The following RAB40C variants were observed in gnomAD, a reference collection of about 807,000 sequenced individuals.
The protein encoded by RAB40C is RAB40C, member RAS oncogene family.
RAB40C carries 8 observed loss-of-function variants against 28.1 expected under a neutral mutation model. That is an observed-to-expected ratio of 0.28 (90% confidence interval 0.17 to 0.51). The LOEUF (loss-of-function observed/expected upper bound fraction) is 0.51. Ranked by LOEUF, RAB40C falls within the 20% of genes least tolerant of loss-of-function variation. The pLI is 0.97. For missense variants in RAB40C, 288 were observed against 405.9 expected, an observed-to-expected ratio of 0.71 and a Z score of 2.50; for synonymous variants, 201 against 171.7, an observed-to-expected ratio of 1.17 and a Z score of -1.34.
chr16:609,651 A>G (rs1004232555), intron 1 of RAB40C, among the ~76,000 whole-genome samples: 3 of 152,244 alleles, frequency 2.0e-5, no homozygotes, highest in African/African-American at 4.8e-5. Context: ...ATGAAGAGCC[A>G]GACGCTGCCA....
At chr16:627,232 C>G (rs2151083236) in intron 5 of RAB40C, 110 bp from the exon 6 acceptor site, 1 of 1,116,914 alleles carries the variant, frequency 9.0e-7, no homozygotes, top group East Asian at 2.5e-5. Flanking sequence ...CCTGGGAACA[C>G]CTCTAGGAGT....
intron 1 of RAB40C, among the ~76,000 whole-genome samples, chr16:600,788 G>A (rs7190358): frequency 0.17 from 26,497 of 152,186 alleles, 2,519 homozygotes; most frequent in South Asian, 0.25. Flanking sequence ...GCCTACGTGC[G>A]TCACACAGAC....
At chr16:605,992 G>T (rs2036354101) in intron 1 of RAB40C, among the ~76,000 whole-genome samples, 1 of 152,220 alleles carries the variant, frequency 6.6e-6, no homozygotes, top group African/African-American at 2.4e-5. Context: ...TTTCTATTCT[G>T]TCAGTAACCA....
intron 1 of RAB40C, among the ~76,000 whole-genome samples, chr16:595,925 G>A (rs2036113756): frequency 6.6e-6 from 1 of 152,162 alleles, no homozygotes; most frequent in African/African-American, 2.4e-5. Flanking sequence ...TTTATAAGTT[G>A]GACTGGCATG....
intron 1 of RAB40C, among the ~76,000 whole-genome samples, chr16:602,533 A>G (rs1378882035): frequency 1.3e-5 from 2 of 152,114 alleles, no homozygotes; most frequent in Non-Finnish European, 2.9e-5. Flanking sequence ...CCTGGGTTCA[A>G]GCCTCTTGCC....
intron 1 of RAB40C, among the ~76,000 whole-genome samples, chr16:593,741 C>T (rs752685680): frequency 5.3e-5 from 8 of 152,344 alleles, no homozygotes; most frequent in Admixed American, 3.3e-4. Flanking sequence ...TGAGCTCTTC[C>T]GTGTCTCCTA....
chr16:616,279 T>C (rs1248086029), intron 1 of RAB40C, among the ~76,000 whole-genome samples: 1 of 151,464 alleles, frequency 6.6e-6, no homozygotes, highest in African/African-American at 2.4e-5. Context: ...AATACCAATG[T>C]GGCAGGCAGG....
intron 1 of RAB40C, among the ~76,000 whole-genome samples, chr16:600,440 T>TTA (rs10656981): frequency 0.16 from 24,442 of 152,250 alleles, 2,111 homozygotes; most frequent in South Asian, 0.25. Context: ...TAAAACATTG[T>TTA]TGTTGGACTT....
chr16:620,620 C>A, intron 3 of RAB40C, among the ~76,000 whole-genome samples: 1 of 135,028 alleles, frequency 7.4e-6, no homozygotes, highest in South Asian at 2.8e-4. Flanking sequence ...GCATCCCAGC[C>A]CCCCCCGACG....
rs148202374 is a variant in RAB40C at position 616,835 on chromosome 16, A to G, written c.143-373A>G. The G allele has an allele frequency of 3.0e-3, 722 of 240,478 alleles. 3 individuals carry two copies. Among genetic ancestry groups the G allele is most frequent in the African/African-American group, 0.015 (677 of 44,544 alleles). The allele number at this position is 240,478 out of a possible 1,614,324, so 14.9% of individuals were successfully genotyped here. A position where few individuals can be genotyped will look rare whatever the true frequency, so the allele number is the denominator to read the frequency against. On this transcript the variant is annotated intron_variant, in intron 1 of 5. Coordinates refer to ENST00000248139, the MANE Select transcript of RAB40C (RefSeq NM_021168.5). ...GGAGTCCACGCCCTGCCTTTGCCCA[A>G]TGCCCTCTGAGGGAGAGGCCCTGTG... is the stretch of plus-strand genomic sequence containing the variant.
chr16:597,937 CAAAA>C (rs57539332), intron 1 of RAB40C, among the ~76,000 whole-genome samples: 4 of 28,468 alleles, frequency 1.4e-4, no homozygotes, highest in East Asian at 1.1e-3. Flanking sequence ...CCCATCTCTA[CAAAA>C]AAAAAAAAAA....
At chr16:623,503 A>T (rs2036765204) in intron 3 of RAB40C, among the ~76,000 whole-genome samples, 1 of 151,960 alleles carries the variant, frequency 6.6e-6, no homozygotes, top group Non-Finnish European at 1.5e-5. Flanking sequence ...AATACAAAAA[A>T]ATTAGCCGGG....
Position 626,132 on chromosome 16 carries a change from G to A in RAB40C, c.565+11G>A, listed in dbSNP as rs371653841. ...GGAGGCCCAACCGAGGTGGGTGGGC[G>A]GGCGCCGGCCAGCCCTGAGGTCCCC... is the stretch of plus-strand genomic sequence containing the variant. On this transcript the variant is annotated intron_variant, in intron 5 of 5. Transcript: ENST00000248139. 106 of 1,607,334 alleles carry A rather than the reference G, an allele frequency of 6.6e-5. No homozygotes were observed. Among genetic ancestry groups the A allele is most frequent in the Non-Finnish European group, 8.6e-5 (101 of 1,175,472 alleles).
Position 590,278 on chromosome 16 carries a change from C to A in RAB40C, c.-14C>A. On this transcript the variant is annotated 5_prime_UTR_variant, in exon 1 of 6. Coordinates refer to ENST00000248139, the MANE Select transcript of RAB40C (RefSeq NM_021168.5). ...TTCGGCAGGCGGCCGGCGCGGGGCG[C>A]AGGCGGCGCGGCCATGGGCTCGCAG... 6.7e-7 allele frequency: 1 copy of A among 1,491,722 alleles called. No individual in the cohort carries two copies. The allele number at this position is 1,491,722 out of a possible 1,614,324, so 92.4% of individuals were successfully genotyped here.
chr16:614,523 C>T (rs550200718), intron 1 of RAB40C, among the ~76,000 whole-genome samples: 49 of 136,030 alleles, frequency 3.6e-4, no homozygotes, highest in African/African-American at 1.2e-3. Flanking sequence ...AACTTTACCT[C>T]GTCCCGATGG....
At chr16:614,477 C>G (rs893710345) in intron 1 of RAB40C, among the ~76,000 whole-genome samples, 8 of 144,550 alleles carry the variant, frequency 5.5e-5, no homozygotes, top group Admixed American at 7.0e-5. Flanking sequence ...CGATGGTGAA[C>G]TGCTAACTCT....
intron 1 of RAB40C, among the ~76,000 whole-genome samples, chr16:599,371 C>T (rs962908357): frequency 2.0e-5 from 3 of 152,244 alleles, no homozygotes; most frequent in Non-Finnish European, 4.4e-5. Context: ...TTGCGCCCAC[C>T]TGATTCCTGC....
chr16:626,020 T>G lies in RAB40C; in HGVS notation c.464T>G (p.Val155Gly). 6.2e-7 allele frequency: 1 copy of G among 1,613,340 alleles called. No individual in the cohort carries two copies. Among genetic ancestry groups the G allele is most frequent in the Non-Finnish European group, 8.5e-7 (1 of 1,179,968 alleles). Residue 155 changes from valine to glycine, a missense_variant, in exon 5 of 6, where the codon GTC becomes GGC. Around this residue, in one of 3 missense-constraint regions of RAB40C, gnomAD observed 153 missense variants for 262.4 expected, o/e 0.58. Coordinates refer to ENST00000248139, the MANE Select transcript of RAB40C (RefSeq NM_021168.5). ...AAGAACTGCATGACCTTCTTTGAGGTCAGCCCCCTGTGCAACTTCAACGTC... is the reference window on the plus strand; with the variant it reads ...AAGAACTGCATGACCTTCTTTGAGGGCAGCCCCCTGTGCAACTTCAACGTC... Reference protein sequence around the residue: ...AEKNCMTFFEVSPLCNFNVIE... With the variant: ...AEKNCMTFFEGSPLCNFNVIE...
chr16:595,010 G>C (rs2036083016), intron 1 of RAB40C, among the ~76,000 whole-genome samples: 1 of 151,990 alleles, frequency 6.6e-6, no homozygotes, highest in South Asian at 2.1e-4. Context: ...AGTAGAGGCA[G>C]GTTTCACCAT....
Sources: allele counts gnomAD v4.1 joint callset (sites outside exome capture counted in the v4.1 genomes callset), GRCh38; gene constraint gnomAD v4.1.1; regional missense constraint gnomAD v4.1.1; transcripts MANE v1.5; gene names NCBI Gene and HGNC (gene_info 2026-07-23, HGNC 2026-07-21).